TASP1: variants seen among roughly 807,000 people sequenced by gnomAD.
TASP1 encodes the protein taspase 1, also known as threonine aspartase 1.
A neutral mutation model predicts 56.6 loss-of-function variants in TASP1; 16 were observed. The observed-to-expected ratio is 0.28, with a 90% CI of 0.19 to 0.43. TASP1 has a LOEUF of 0.43. Ranked by LOEUF, TASP1 falls within the 20% of genes least tolerant of loss-of-function variation. The pLI is 1.00. For missense variants in TASP1, 393 were observed against 511.6 expected (o/e 0.77, Z 2.24); for synonymous variants, 179 against 184.2 (o/e 0.97, Z 0.23).
In TASP1 at chr20:13,523,050, G is replaced by A. The variant is rs151051318; in HGVS notation, c.874+5383C>T. ...ATCTTGACAAGAACAGATTGGTGGC[G>A]TGGTAGAGGAGAAGTCCTGACTGAA... On this transcript the variant is annotated intron_variant, in intron 10 of 13. Coordinates refer to ENST00000337743, the MANE Select transcript of TASP1 (RefSeq NM_017714.3). 1.3e-4 allele frequency among the ~76,000 whole-genome samples: 20 copies of A among 152,274 alleles called. No homozygotes were observed. The East Asian group carries it at 1.5e-3, about 12-fold the overall frequency.
At chr20:13,174,532 T>A in the TASP1 span, among the ~76,000 whole-genome samples, 1 of 151,952 alleles carries the variant, frequency 6.6e-6, no homozygotes, top group Non-Finnish European at 1.5e-5. Flanking sequence ...ACCCCATATC[T>A]ACAAAAAATT....
the TASP1 span, among the ~76,000 whole-genome samples, chr20:13,184,553 G>T: frequency 6.4e-4 from 98 of 152,206 alleles, 1 homozygote; most frequent in South Asian, 1.5e-3. Flanking sequence ...AGACTTAATT[G>T]TTAGTCTTAA....
At chr20:13,146,940 A>C in the TASP1 span, among the ~76,000 whole-genome samples, 34 of 152,306 alleles carry the variant, frequency 2.2e-4, no homozygotes, top group South Asian at 7.1e-3. Flanking sequence ...CTGTTTCCTC[A>C]TCTGTGAAGT....
intron 11 of TASP1, among the ~76,000 whole-genome samples, chr20:13,466,827 A>C (rs1025938641): frequency 2.0e-5 from 3 of 152,200 alleles, no homozygotes; most frequent in Non-Finnish European, 4.4e-5. Context: ...AAATGTGGAC[A>C]TGACTATCTC....
chr20:13,392,296 A>T (rs2041319077), intron 13 of TASP1, among the ~76,000 whole-genome samples: 1 of 152,132 alleles, frequency 6.6e-6, no homozygotes, highest in Non-Finnish European at 1.5e-5. Flanking sequence ...CCCTGCTCAT[A>T]CATCTCTCTG....
At chr20:13,590,820 C>T (rs2047503403) in intron 4 of TASP1, among the ~76,000 whole-genome samples, 1 of 151,718 alleles carries the variant, frequency 6.6e-6, no homozygotes, top group Non-Finnish European at 1.5e-5. Flanking sequence ...GAGCTGAGAT[C>T]ATGCCACTGC....
chr20:13,253,863 A>G, the TASP1 span, among the ~76,000 whole-genome samples: 6 of 129,688 alleles, frequency 4.6e-5, no homozygotes, highest in African/African-American at 2.2e-4. Context: ...ATCCATATCC[A>G]TATATATATA....
At chr20:13,468,807 G>A (rs1322803898) in intron 11 of TASP1, among the ~76,000 whole-genome samples, 3 of 150,068 alleles carry the variant, frequency 2.0e-5, no homozygotes, top group African/African-American at 7.3e-5. Context: ...AGTACCCTTA[G>A]GAGAAAAAAA....
intron 11 of TASP1, among the ~76,000 whole-genome samples, chr20:13,464,854 C>A (rs557900244): frequency 6.6e-6 from 1 of 152,108 alleles, no homozygotes; most frequent in East Asian, 1.9e-4. Flanking sequence ...CTTAACCCTA[C>A]AGAACTGTAC....
intron 6 of TASP1, among the ~76,000 whole-genome samples, chr20:13,574,971 C>G (rs893483075): frequency 6.6e-6 from 1 of 151,760 alleles, no homozygotes; most frequent in Non-Finnish European, 1.5e-5. Context: ...AATATATATC[C>G]CCACACATCC....
At chr20:13,398,398 G>A (rs1600677064) in intron 13 of TASP1, among the ~76,000 whole-genome samples, 1 of 151,718 alleles carries the variant, frequency 6.6e-6, no homozygotes, top group East Asian at 1.9e-4. Flanking sequence ...GGGGGGCAGT[G>A]CGGGAGCATG....
At chr20:13,576,341 GGAAGA>G (rs2046913416) in intron 6 of TASP1, among the ~76,000 whole-genome samples, 3 of 127,402 alleles carry the variant, frequency 2.4e-5, no homozygotes, top group South Asian at 2.6e-4. Context: ...AAGAAAGAAA[GGAAGA>G]AAGAAAGAAA....
At chr20:13,256,640 T>G in the TASP1 span, among the ~76,000 whole-genome samples, 1 of 152,064 alleles carries the variant, frequency 6.6e-6, no homozygotes, top group African/African-American at 2.4e-5. Context: ...AGGCTGGCAA[T>G]GGTGGTGTTG....
the TASP1 span, among the ~76,000 whole-genome samples, chr20:13,364,853 G>T: frequency 6.6e-6 from 1 of 152,144 alleles, no homozygotes; most frequent in Non-Finnish European, 1.5e-5. Flanking sequence ...AGGTTTCTGT[G>T]CATGTGCACT....
chr20:13,120,472 CAGTT>C, the TASP1 span, among the ~76,000 whole-genome samples: 3 of 152,098 alleles, frequency 2.0e-5, no homozygotes, highest in African/African-American at 4.8e-5. Flanking sequence ...TGAAAATAAT[CAGTT>C]AGCTCCAAAA....
At chr20:13,442,595 T>C (rs1344663850) in intron 11 of TASP1, among the ~76,000 whole-genome samples, 10 of 151,478 alleles carry the variant, frequency 6.6e-5, no homozygotes, top group African/African-American at 2.4e-4. Flanking sequence ...TGAGCCGATA[T>C]CGTGCCCCCG....
the TASP1 span, among the ~76,000 whole-genome samples, chr20:13,340,215 C>T: frequency 6.6e-6 from 1 of 152,162 alleles, no homozygotes; most frequent in Non-Finnish European, 1.5e-5. Context: ...GCTTCAGCTG[C>T]TGTCTTGAGA....
intron 13 of TASP1, among the ~76,000 whole-genome samples, chr20:13,403,590 C>A (rs6109858): frequency 6.6e-6 from 1 of 152,056 alleles, no homozygotes; most frequent in Admixed American, 6.5e-5. Flanking sequence ...TAACTTGCCC[C>A]GGCTTATAAA....
intron 13 of TASP1, among the ~76,000 whole-genome samples, chr20:13,413,661 A>T (rs2042162897): frequency 6.6e-6 from 1 of 152,222 alleles, no homozygotes; most frequent in African/African-American, 2.4e-5. Flanking sequence ...GCATCATTTC[A>T]AGTACAAGAC....
Sources: allele counts gnomAD v4.1 joint callset (sites outside exome capture counted in the v4.1 genomes callset), GRCh38; gene constraint gnomAD v4.1.1; transcripts MANE v1.5; gene names NCBI Gene and HGNC (gene_info 2026-07-23, HGNC 2026-07-21).